Variants in PCSK5 observed in about 807,000 individuals in gnomAD.
The protein encoded by PCSK5 is prohormone convertase 5.
A neutral mutation model predicts 233.2 loss-of-function variants in PCSK5; 129 were observed. That is an observed-to-expected ratio of 0.55 (90% CI 0.48 to 0.64). The LOEUF is 0.64. PCSK5 is among the 30% of genes least tolerant of loss of function. The pLI, the probability that PCSK5 is intolerant of heterozygous loss-of-function variation, is 0.00. For missense variants in PCSK5, 2,076 were observed against 2,430.1 expected (o/e 0.85, Z 3.06); for synonymous variants, 825 against 879.2 (o/e 0.94, Z 1.09).
At chr9:75,933,553 A>C (rs952609610) in intron 2 of PCSK5, among the ~76,000 whole-genome samples, 1 of 152,188 alleles carries the variant, frequency 6.6e-6, no homozygotes, top group Non-Finnish European at 1.5e-5. Context: ...TATGCAAATG[A>C]GGTTTGCAAT....
chr9:76,070,995 TAGAA>T (rs1358212448), intron 6 of PCSK5, among the ~76,000 whole-genome samples: 1 of 152,064 alleles, frequency 6.6e-6, no homozygotes, highest in Non-Finnish European at 1.5e-5. Context: ...GCCTCCAAAA[TAGAA>T]GGAAAAAAGG....
chr9:76,127,373 T>C (rs1822551124), intron 9 of PCSK5, among the ~76,000 whole-genome samples: 1 of 152,144 alleles, frequency 6.6e-6, no homozygotes, highest in South Asian at 2.1e-4. Flanking sequence ...CTCACTATCC[T>C]CCACAATTAC....
intron 20 of PCSK5, among the ~76,000 whole-genome samples, chr9:76,219,828 C>T (rs1400149367): frequency 6.6e-6 from 1 of 152,142 alleles, no homozygotes; most frequent in Non-Finnish European, 1.5e-5. Flanking sequence ...AGGTTGTCGG[C>T]GCTGCTTTCT....
chr9:76,014,751 T>G (rs1195761323), intron 3 of PCSK5, among the ~76,000 whole-genome samples: 1 of 152,206 alleles, frequency 6.6e-6, no homozygotes, highest in African/African-American at 2.4e-5. Flanking sequence ...TATGAATGTC[T>G]TCTCTTCTCA....
intron 9 of PCSK5, among the ~76,000 whole-genome samples, chr9:76,109,622 C>G (rs1587639749): frequency 6.7e-6 from 1 of 148,708 alleles, no homozygotes; most frequent in East Asian, 2.0e-4. Flanking sequence ...TTTGACACAA[C>G]TGTGATGAGT....
At chr9:75,947,047 C>A (rs1391393618) in intron 2 of PCSK5, among the ~76,000 whole-genome samples, 1 of 152,146 alleles carries the variant, frequency 6.6e-6, no homozygotes, top group Admixed American at 6.6e-5. Flanking sequence ...AAATGAGGAA[C>A]AAGTAACGTT....
rs530153184 is a variant in PCSK5 at position 76,093,976 on chromosome 9, TTCTC to T, written c.895-1910_895-1907del. ...TGATGGCTTGGTGATTTCTGTACCT[TTCTC>T]TCTATTTCATGAATATTTTGATGAA... On this transcript the variant is annotated intron_variant, in intron 7 of 37. Transcript: ENST00000674117. Among the ~76,000 whole-genome samples, 190 of 152,286 alleles carry T rather than the reference TTCTC, an allele frequency of 1.2e-3. 1 individual carries two copies. The highest frequency in any genetic ancestry group is 2.3e-3 in the Non-Finnish European group (159 of 68,022).
intron 2 of PCSK5, among the ~76,000 whole-genome samples, chr9:75,977,746 G>A (rs1826090529): frequency 6.6e-6 from 1 of 151,490 alleles, no homozygotes; most frequent in Non-Finnish European, 1.5e-5. Context: ...AAGTAGCTGG[G>A]ATTACAGGCG....
At chr9:76,189,017 C>A in intron 18 of PCSK5, 77 bp from the exon 19 acceptor site, 1 of 1,275,066 alleles carries the variant, frequency 7.8e-7, no homozygotes, top group Non-Finnish European at 1.1e-6. Context: ...TTTTCTCAAA[C>A]TGTTAAAGAA....
intron 5 of PCSK5, among the ~76,000 whole-genome samples, chr9:76,033,001 C>G (rs1027150278): frequency 6.6e-6 from 1 of 152,180 alleles, no homozygotes; most frequent in African/African-American, 2.4e-5. Context: ...TGTTTCTTAT[C>G]TCTGATTCAA....
At chr9:76,079,190 G>A (rs780381728) in intron 7 of PCSK5, among the ~76,000 whole-genome samples, 141 of 151,610 alleles carry the variant, frequency 9.3e-4, no homozygotes, top group Non-Finnish European at 1.8e-3. Flanking sequence ...TGCAACCTCC[G>A]CCTCTGGGGT....
In PCSK5 at chr9:76,318,743, G is replaced by C. The variant is rs986632830; in HGVS notation, c.3885-2679G>C. 2.0e-5 allele frequency among the ~76,000 whole-genome samples: 3 copies of C among 152,134 alleles called. No homozygotes were observed. The East Asian group carries it at 5.8e-4, about 29-fold the overall frequency. The stretch of plus-strand genomic sequence containing the variant: ...CATTTGAAAAAAGTCATCAGAGGTT[G>C]GTTGACAGCATCCAGTGGTTCCAAT... On this transcript the variant is annotated intron_variant, in intron 30 of 37. Coordinates refer to ENST00000674117, the MANE Select transcript of PCSK5 (RefSeq NM_001372043.1).
intron 24 of PCSK5, among the ~76,000 whole-genome samples, chr9:76,276,002 C>T (rs1303940248): frequency 2.6e-5 from 4 of 152,176 alleles, no homozygotes; most frequent in Non-Finnish European, 5.9e-5. Flanking sequence ...TTTATTACTT[C>T]TAAGTCGACT....
intron 9 of PCSK5, among the ~76,000 whole-genome samples, chr9:76,124,954 G>A (rs1832787147): frequency 6.6e-6 from 1 of 151,796 alleles, no homozygotes; most frequent in Non-Finnish European, 1.5e-5. Flanking sequence ...CCTTTTCCCT[G>A]CACTGTGTTT....
chr9:76,312,986 G>C (rs1337181186), intron 30 of PCSK5, among the ~76,000 whole-genome samples: 1 of 152,152 alleles, frequency 6.6e-6, no homozygotes. Flanking sequence ...CAAGAGAAAA[G>C]AAAACATTTT....
At chr9:76,069,359 C>T (rs1329006108) in intron 6 of PCSK5, among the ~76,000 whole-genome samples, 1 of 151,784 alleles carries the variant, frequency 6.6e-6, no homozygotes, top group Non-Finnish European at 1.5e-5. Flanking sequence ...TCAATACTCT[C>T]CAGCACAAAC....
chr9:76,048,991 A>G (rs1242624033), intron 5 of PCSK5, among the ~76,000 whole-genome samples: 3 of 152,150 alleles, frequency 2.0e-5, no homozygotes, highest in Non-Finnish European at 2.9e-5. Flanking sequence ...CATATTTATC[A>G]TATTTATCCT....
rs1043370598 is a variant in PCSK5, at chr9:76,165,883, A to T, written c.1620-3821A>T. ...TTAGTTGATAAAAGAAGATCCCACA[A>T]TTGGAATCTCCGTAGCAGGTGTCCA... is the stretch of plus-strand genomic sequence containing the variant. On this transcript the variant is annotated intron_variant, in intron 12 of 37. Coordinates refer to ENST00000674117, the MANE Select transcript of PCSK5 (RefSeq NM_001372043.1). Among the ~76,000 whole-genome samples, 11 of 152,200 alleles carry T rather than the reference A, an allele frequency of 7.2e-5. No homozygotes were observed. In the South Asian group the frequency reaches 2.3e-3, roughly 32 times the overall value.
chr9:76,002,929 A>T (rs1302511475), intron 3 of PCSK5, among the ~76,000 whole-genome samples: 1 of 152,174 alleles, frequency 6.6e-6, no homozygotes, highest in Non-Finnish European at 1.5e-5. Flanking sequence ...AATACGAAAA[A>T]AGTGAGAGCC....
Sources: gnomAD v4.1 joint callset for allele counts (sites outside exome capture counted in the v4.1 genomes callset) on GRCh38, gnomAD v4.1.1 for gene constraint, MANE v1.5 for transcripts, NCBI Gene and HGNC (gene_info 2026-07-23, HGNC 2026-07-21) for gene names.